The following LIN28B variants were observed in gnomAD, a reference collection of about 807,000 sequenced individuals.
LIN28B encodes protein lin-28 homolog B.
Under a neutral mutation model 21.9 loss-of-function variants are expected in LIN28B, and 5 were observed. The observed-to-expected ratio is 0.23, with a 90% CI of 0.12 to 0.48. The LOEUF is 0.48. LIN28B is among the 20% of genes least tolerant of loss of function. The pLI, the probability that LIN28B is intolerant of heterozygous loss-of-function variation, is 0.98. For missense variants in LIN28B, 245 were observed against 310.5 expected (o/e 0.79, Z 1.58); for synonymous variants, 109 against 111.3 (o/e 0.98, Z 0.13).
chr6:105,030,704 C>T (rs1198437508), intron 3 of LIN28B, among the ~76,000 whole-genome samples: 2 of 145,846 alleles, frequency 1.4e-5, no homozygotes, highest in Non-Finnish European at 3.0e-5. Context: ...TCAAGCAATT[C>T]TCCTGCCTCA....
At chr6:105,041,683 A>C (rs1771640441) in intron 3 of LIN28B, among the ~76,000 whole-genome samples, 1 of 152,202 alleles carries the variant, frequency 6.6e-6, no homozygotes, top group South Asian at 2.1e-4. Context: ...AAATGAACTC[A>C]TCATGGCTGA....
chr6:105,003,781 G>T (rs1582890086), intron 2 of LIN28B, among the ~76,000 whole-genome samples: 1 of 152,168 alleles, frequency 6.6e-6, no homozygotes, highest in Admixed American at 6.5e-5. Flanking sequence ...AAAGTGCTGG[G>T]ATTACAGGCG....
chr6:105,023,196 T>C (rs1771171549), intron 2 of LIN28B, among the ~76,000 whole-genome samples: 1 of 94,396 alleles, frequency 1.1e-5, no homozygotes, highest in African/African-American at 3.8e-5. Flanking sequence ...GCAAAGCCAT[T>C]ATAGTTTCTT....
intron 3 of LIN28B, among the ~76,000 whole-genome samples, chr6:105,075,593 AG>A (rs1019629247): frequency 6.6e-6 from 1 of 152,244 alleles, no homozygotes; most frequent in African/African-American, 2.4e-5. Flanking sequence ...AGGAAAGCCA[AG>A]GGGGTGAATT....
At chr6:105,060,103 A>T (rs1027506427) in intron 3 of LIN28B, among the ~76,000 whole-genome samples, 2 of 152,096 alleles carry the variant, frequency 1.3e-5, no homozygotes, top group African/African-American at 4.8e-5. Flanking sequence ...GGGCTTCTCC[A>T]TGTTGGTCAG....
intron 2 of LIN28B, among the ~76,000 whole-genome samples, chr6:104,959,007 C>T (rs1769654712): frequency 6.6e-6 from 1 of 152,122 alleles, no homozygotes; most frequent in African/African-American, 2.4e-5. Flanking sequence ...TGCTGGTCTG[C>T]TACTTGGGGT....
chr6:105,059,209 A>G (rs918222486), intron 3 of LIN28B, among the ~76,000 whole-genome samples: 4 of 115,178 alleles, frequency 3.5e-5, no homozygotes, highest in African/African-American at 8.6e-5. Flanking sequence ...GTGTGTGTAT[A>G]TATATATGTA....
At chr6:105,055,940 T>G (rs1360732956) in intron 3 of LIN28B, among the ~76,000 whole-genome samples, 6 of 148,020 alleles carry the variant, frequency 4.1e-5, no homozygotes, top group African/African-American at 1.5e-4. Context: ...TTTTTTTTTT[T>G]GGGTAGAGAC....
intron 2 of LIN28B, among the ~76,000 whole-genome samples, chr6:105,022,406 A>C (rs1043003524): frequency 6.6e-6 from 1 of 152,184 alleles, no homozygotes; most frequent in Admixed American, 6.5e-5. Flanking sequence ...GAAATTGTAC[A>C]TTTTTAGGCA....
intron 2 of LIN28B, among the ~76,000 whole-genome samples, chr6:104,969,605 T>C (rs1769932981): frequency 6.6e-6 from 1 of 152,222 alleles, no homozygotes; most frequent in Admixed American, 6.5e-5. Flanking sequence ...GCAGCTTATT[T>C]GATGTATATA....
At chr6:104,971,697 A>AT (rs924451077) in intron 2 of LIN28B, among the ~76,000 whole-genome samples, 5 of 151,946 alleles carry the variant, frequency 3.3e-5, no homozygotes, top group African/African-American at 9.7e-5. Flanking sequence ...CAATTGATTT[A>AT]TTTTTTTATG....
chr6:104,942,939 A>G (rs1400569982), intron 2 of LIN28B, among the ~76,000 whole-genome samples: 2 of 152,172 alleles, frequency 1.3e-5, no homozygotes, highest in East Asian at 1.9e-4. Flanking sequence ...TTCAATAATT[A>G]TATTCTCATT....
intron 2 of LIN28B, among the ~76,000 whole-genome samples, chr6:104,987,654 C>G (rs1173710304): frequency 6.6e-6 from 1 of 151,988 alleles, no homozygotes; most frequent in Admixed American, 6.6e-5. Flanking sequence ...AATACTTTAC[C>G]TCTTTTTCCT....
At position 105,080,727 on chromosome 6, in the gene LIN28B, A is replaced by G. The variant is rs993733424; in HGVS notation, c.*1944A>G. 1.3e-5 allele frequency: 2 copies of G among 152,682 alleles called. No homozygotes were observed. The highest frequency in any genetic ancestry group is 4.8e-5 in the African/African-American group (2 of 41,464). The allele number at this position is 152,682 out of a possible 1,614,324, so 9.5% of individuals were successfully genotyped here. On this transcript the variant is annotated 3_prime_UTR_variant, in exon 4 of 4. Transcript: ENST00000345080. ...TGGCATTGCTTAATTTTTAGCAGGC[A>G]TAATAAGCAAGTTAACAGTAAAATG...
chr6:105,020,463 T>C lies in LIN28B; in HGVS notation c.199-5835T>C, dbSNP rs552283985. On this transcript the variant is annotated intron_variant, in intron 2 of 3. Transcript: ENST00000345080. ...TCCCTAGTAGCTGGGACGTCAAGTGTGTGCCACCATGCCCAGCTAATTTTT... is the reference window on the plus strand; with the variant it reads ...TCCCTAGTAGCTGGGACGTCAAGTGCGTGCCACCATGCCCAGCTAATTTTT... Among the ~76,000 whole-genome samples the C allele has an allele frequency of 2.6e-5, 4 of 151,734 alleles. No individual in the cohort carries two copies. The South Asian group carries it at 8.3e-4, about 32-fold the overall frequency.
At chr6:104,989,929 G>T (rs890226060) in intron 2 of LIN28B, among the ~76,000 whole-genome samples, 1 of 152,056 alleles carries the variant, frequency 6.6e-6, no homozygotes, top group Non-Finnish European at 1.5e-5. Flanking sequence ...GATTTTAAAC[G>T]CTTCTTTTCT....
chr6:104,972,508 G>A (rs1254092186), intron 2 of LIN28B, among the ~76,000 whole-genome samples: 1 of 152,066 alleles, frequency 6.6e-6, no homozygotes, highest in Non-Finnish European at 1.5e-5. Context: ...TAAAATGAAT[G>A]TATTCAGGTT....
chr6:105,062,997 A>G (rs1487190875), intron 3 of LIN28B, among the ~76,000 whole-genome samples: 4 of 152,166 alleles, frequency 2.6e-5, no homozygotes, highest in Admixed American at 2.0e-4. Flanking sequence ...AAAAGGTAAA[A>G]TACTGTCACG....
At chr6:104,982,615 G>A (rs1770249522) in intron 2 of LIN28B, among the ~76,000 whole-genome samples, 1 of 152,068 alleles carries the variant, frequency 6.6e-6, no homozygotes. Flanking sequence ...GGTGAACATT[G>A]ACCACCCCTC....
Sources: gnomAD v4.1 joint callset for allele counts (sites outside exome capture counted in the v4.1 genomes callset) on GRCh38, gnomAD v4.1.1 for gene constraint, MANE v1.5 for transcripts, NCBI Gene and HGNC (gene_info 2026-07-23, HGNC 2026-07-21) for gene names.